SPOCK1: variants seen among roughly 807,000 people sequenced by gnomAD.
SPOCK1 encodes SPARC (osteonectin), cwcv and kazal like domains proteoglycan 1, also known as testican-1.
SPOCK1 carries 23 observed loss-of-function variants against 55.3 expected under a neutral mutation model. The ratio of observed to expected loss-of-function variants is 0.42; its 90% CI spans 0.30 to 0.59. The LOEUF is 0.59. Among genes scored for constraint, SPOCK1 ranks in the 20% least tolerant of loss-of-function variants. The probability of loss-of-function intolerance (pLI) is 0.22; values close to 1 mark genes in which losing one functional copy is unlikely to be tolerated. For missense variants in SPOCK1, 499 were observed against 552.5 expected (o/e 0.90, Z 0.97); for synonymous variants, 226 against 221.0 (o/e 1.02, Z -0.20).
chr5:137,380,706 G>C (rs1441004845), intron 2 of SPOCK1, among the ~76,000 whole-genome samples: 1 of 152,056 alleles, frequency 6.6e-6, no homozygotes, highest in Non-Finnish European at 1.5e-5. Flanking sequence ...AGAATGGCAG[G>C]AAGGAAACCC....
At chr5:137,052,617 G>C (rs1410495526) in intron 6 of SPOCK1, among the ~76,000 whole-genome samples, 2 of 152,048 alleles carry the variant, frequency 1.3e-5, no homozygotes, top group Non-Finnish European at 2.9e-5. Flanking sequence ...CTATAAATTA[G>C]AGAAGCTAAA....
chr5:137,349,712 T>C (rs538283294), intron 2 of SPOCK1, among the ~76,000 whole-genome samples: 3 of 152,304 alleles, frequency 2.0e-5, no homozygotes, highest in African/African-American at 4.8e-5. Context: ...TGTAGATGCA[T>C]CACCTTGATC....
At chr5:137,214,375 A>AT (rs1302978272) in intron 3 of SPOCK1, among the ~76,000 whole-genome samples, 2 of 152,242 alleles carry the variant, frequency 1.3e-5, no homozygotes, top group Non-Finnish European at 2.9e-5. Context: ...CCAAGGCACA[A>AT]TAAAAAACAT....
intron 2 of SPOCK1, among the ~76,000 whole-genome samples, chr5:137,368,430 CAAGT>C (rs1402961567): frequency 3.3e-5 from 5 of 152,100 alleles, no homozygotes; most frequent in African/African-American, 1.2e-4. Flanking sequence ...TTTCCACAAG[CAAGT>C]GAGACCTGGA....
intron 2 of SPOCK1, among the ~76,000 whole-genome samples, chr5:137,472,473 G>A (rs147922678): frequency 1.5e-3 from 226 of 152,278 alleles, no homozygotes; most frequent in African/African-American, 5.1e-3. Context: ...TCAGTCAGTC[G>A]GGAGAAAATA....
chr5:137,272,741 C>A (rs201329244), intron 2 of SPOCK1, among the ~76,000 whole-genome samples: 1 of 96,912 alleles, frequency 1.0e-5, no homozygotes, highest in Non-Finnish European at 2.0e-5. Flanking sequence ...CCCACCCCCC[C>A]ACCCCCCAAC....
intron 2 of SPOCK1, among the ~76,000 whole-genome samples, chr5:137,420,822 T>C (rs1222140540): frequency 6.6e-6 from 1 of 152,224 alleles, no homozygotes. Flanking sequence ...TCTTAGTTAT[T>C]TCTTGCCTTC....
At chr5:137,055,435 C>G (rs1042800548) in intron 6 of SPOCK1, among the ~76,000 whole-genome samples, 1 of 152,176 alleles carries the variant, frequency 6.6e-6, no homozygotes, top group African/African-American at 2.4e-5. Flanking sequence ...CCTTGAGAAG[C>G]AAGGTACACG....
Position 137,077,813 on chromosome 5 carries a change from A to C in SPOCK1, c.475-9984T>G, listed in dbSNP as rs1414555154. On this transcript the variant is annotated intron_variant, in intron 5 of 10. Coordinates refer to ENST00000394945, the MANE Select transcript of SPOCK1 (RefSeq NM_004598.4). ...TGACTCCCACCTGATGCAAGCTCCT[A>C]GAGAGAGCTGTCCATGCTCATACAC... 2.6e-5 allele frequency among the ~76,000 whole-genome samples: 4 copies of C among 152,314 alleles called. No individual in the cohort carries two copies. The South Asian group carries it at 8.3e-4, about 32-fold the overall frequency.
intron 6 of SPOCK1, among the ~76,000 whole-genome samples, chr5:137,002,194 G>A (rs895824229): frequency 6.6e-5 from 10 of 152,028 alleles, no homozygotes; most frequent in Admixed American, 1.3e-4. Context: ...CTAATTAATG[G>A]TACAATCTAC....
At chr5:137,015,285 CAAAA>C (rs11440015) in intron 6 of SPOCK1, among the ~76,000 whole-genome samples, 28 of 139,400 alleles carry the variant, frequency 2.0e-4, no homozygotes, top group African/African-American at 7.4e-4. Context: ...ACTAAAAATA[CAAAA>C]AAAAAAAAAA....
intron 2 of SPOCK1, among the ~76,000 whole-genome samples, chr5:137,275,484 T>C (rs1047178780): frequency 2.0e-5 from 3 of 152,240 alleles, no homozygotes; most frequent in African/African-American, 7.2e-5. Flanking sequence ...CTCTGATGCC[T>C]GGCCCAGGGC....
intron 6 of SPOCK1, among the ~76,000 whole-genome samples, chr5:137,058,128 G>A (rs1299531085): frequency 3.9e-5 from 6 of 152,166 alleles, no homozygotes; most frequent in Admixed American, 2.0e-4. Flanking sequence ...TAAAGTGTGC[G>A]GATGGACACG....
intron 6 of SPOCK1, among the ~76,000 whole-genome samples, chr5:137,023,360 C>T (rs1479844777): frequency 6.6e-6 from 1 of 152,126 alleles, no homozygotes; most frequent in Non-Finnish European, 1.5e-5. Context: ...TCACTTCCAA[C>T]CAGCTCCCCA....
At chr5:137,230,123 A>C (rs1039054784) in intron 3 of SPOCK1, among the ~76,000 whole-genome samples, 2 of 152,242 alleles carry the variant, frequency 1.3e-5, no homozygotes, top group Admixed American at 1.3e-4. Flanking sequence ...CTTTATATGC[A>C]AACATCTTTT....
intron 2 of SPOCK1, among the ~76,000 whole-genome samples, chr5:137,417,975 C>A (rs1752381842): frequency 1.3e-5 from 2 of 151,870 alleles, no homozygotes; most frequent in African/African-American, 4.9e-5. Context: ...CTACAACAGG[C>A]CCTGGTGTGT....
chr5:137,013,613 C>A (rs1179711655), intron 6 of SPOCK1, among the ~76,000 whole-genome samples: 2 of 152,104 alleles, frequency 1.3e-5, no homozygotes, highest in Admixed American at 1.3e-4. Context: ...GAATGCCAAC[C>A]TCTCCCTCCA....
intron 6 of SPOCK1, among the ~76,000 whole-genome samples, chr5:137,037,128 C>T (rs1435992065): frequency 6.6e-6 from 1 of 151,966 alleles, no homozygotes; most frequent in Non-Finnish European, 1.5e-5. Context: ...GAATCCAAGG[C>T]ACCCTTCTCC....
chr5:137,236,805 G>A (rs1756190468), intron 3 of SPOCK1, among the ~76,000 whole-genome samples: 1 of 152,164 alleles, frequency 6.6e-6, no homozygotes, highest in Non-Finnish European at 1.5e-5. Context: ...CATCTACTGA[G>A]CACAGAAATA....
Sources: allele counts gnomAD v4.1 joint callset (sites outside exome capture counted in the v4.1 genomes callset), GRCh38; gene constraint gnomAD v4.1.1; transcripts MANE v1.5; gene names NCBI Gene and HGNC (gene_info 2026-07-23, HGNC 2026-07-21).